TRPS1: variants seen among roughly 807,000 people sequenced by gnomAD.
TRPS1 encodes the protein transcriptional repressor GATA binding 1.
TRPS1 carries 6 observed loss-of-function variants against 101.2 expected under a neutral mutation model. That is an observed-to-expected ratio of 0.06 (90% CI 0.03 to 0.12). The LOEUF (loss-of-function observed/expected upper bound fraction) is 0.12, where lower values mean the gene tolerates loss of function less well. TRPS1 is among the 10% of genes least tolerant of loss of function. TRPS1 has a pLI of 1.00. For synonymous variants in TRPS1, 578 were observed against 589.8 expected (o/e 0.98, Z 0.29); for missense variants, 1,363 against 1,567.0 (o/e 0.87, Z 2.20).
At chr8:115,597,257 G>A (rs531389802) in intron 4 of TRPS1, among the ~76,000 whole-genome samples, 2 of 151,806 alleles carry the variant, frequency 1.3e-5, no homozygotes, top group Non-Finnish European at 2.9e-5. Context: ...AGTATGTTCC[G>A]ACCATTTCTA....
intron 5 of TRPS1, among the ~76,000 whole-genome samples, chr8:115,473,080 C>T (rs1313310393): frequency 9.9e-5 from 15 of 152,166 alleles, no homozygotes; most frequent in Admixed American, 9.8e-4. Context: ...GTTTCTTCCA[C>T]ATTTTTCAGT....
At chr8:115,506,286 G>C (rs1018469935) in intron 5 of TRPS1, among the ~76,000 whole-genome samples, 1 of 151,900 alleles carries the variant, frequency 6.6e-6, no homozygotes, top group African/African-American at 2.4e-5. Flanking sequence ...TCATATACTG[G>C]TTATCAAGAG....
intron 1 of TRPS1, among the ~76,000 whole-genome samples, chr8:115,644,619 A>C (rs1402994800): frequency 6.6e-6 from 1 of 152,092 alleles, no homozygotes; most frequent in Non-Finnish European, 1.5e-5. Flanking sequence ...GGCACTTTTA[A>C]TTTCCTTCAA....
chr8:115,456,769 C>T (rs561388862), intron 5 of TRPS1, among the ~76,000 whole-genome samples: 1 of 152,124 alleles, frequency 6.6e-6, no homozygotes, highest in Admixed American at 6.5e-5. Flanking sequence ...TATAGGCATG[C>T]TTCTTCTTTT....
At chr8:115,506,975 T>TA (rs1815460305) in intron 5 of TRPS1, among the ~76,000 whole-genome samples, 2 of 152,216 alleles carry the variant, frequency 1.3e-5, no homozygotes, top group Admixed American at 1.3e-4. Context: ...AACTATATTT[T>TA]AAAAAAGAAT....
chr8:115,478,129 T>C (rs368712383), intron 5 of TRPS1, among the ~76,000 whole-genome samples: 1 of 152,200 alleles, frequency 6.6e-6, no homozygotes, highest in Non-Finnish European at 1.5e-5. Flanking sequence ...CTGATCTATA[T>C]TGCCAAATAG....
intron 4 of TRPS1, among the ~76,000 whole-genome samples, chr8:115,593,950 G>A (rs3808462): frequency 0.54 from 82,442 of 151,748 alleles, 24,518 homozygotes; most frequent in African/African-American, 0.81. Flanking sequence ...CCCTAAGGTC[G>A]AGACCAAAGC....
chr8:115,529,620 C>T (rs1364283898), intron 5 of TRPS1, among the ~76,000 whole-genome samples: 1 of 152,034 alleles, frequency 6.6e-6, no homozygotes, highest in Non-Finnish European at 1.5e-5. Context: ...AATTCCACAC[C>T]CATTTTGCAC....
intron 5 of TRPS1, among the ~76,000 whole-genome samples, chr8:115,561,511 A>AC (rs1816945526): frequency 6.6e-6 from 1 of 151,964 alleles, no homozygotes; most frequent in Non-Finnish European, 1.5e-5. Context: ...TCCAGTAGCA[A>AC]CAAGGGGTGC....
chr8:115,572,586 G>A (rs1283591894), intron 5 of TRPS1, among the ~76,000 whole-genome samples: 2 of 152,038 alleles, frequency 1.3e-5, no homozygotes, highest in Non-Finnish European at 2.9e-5. Context: ...AGTGTCTATA[G>A]CTTAGTCATG....
intron 5 of TRPS1, among the ~76,000 whole-genome samples, chr8:115,513,740 T>C (rs1193968957): frequency 6.6e-6 from 1 of 151,586 alleles, no homozygotes; most frequent in African/African-American, 2.4e-5. Context: ...AGAAAACTAT[T>C]TCTAGTTTTC....
At chr8:115,520,860 G>C (rs1815843919) in intron 5 of TRPS1, among the ~76,000 whole-genome samples, 1 of 151,806 alleles carries the variant, frequency 6.6e-6, no homozygotes, top group Non-Finnish European at 1.5e-5. Flanking sequence ...CTTTAAAGCA[G>C]TTTTTCCATC....
chr8:115,550,088 G>A (rs1160029626), intron 5 of TRPS1, among the ~76,000 whole-genome samples: 1 of 152,002 alleles, frequency 6.6e-6, no homozygotes, highest in Non-Finnish European at 1.5e-5. Context: ...GTGGTGGTGG[G>A]CACCTGTAAT....
At chr8:115,663,954 G>A (rs1473939659) in intron 1 of TRPS1, among the ~76,000 whole-genome samples, 1 of 151,794 alleles carries the variant, frequency 6.6e-6, no homozygotes, top group East Asian at 1.9e-4. Context: ...CAAACTAAAG[G>A]CCAAATTCAG....
At chr8:115,500,383 T>C (rs947229860) in intron 5 of TRPS1, among the ~76,000 whole-genome samples, 4 of 152,028 alleles carry the variant, frequency 2.6e-5, no homozygotes, top group African/African-American at 9.7e-5. Flanking sequence ...TACAAAACAG[T>C]CAGTGTAAGA....
intron 1 of TRPS1, among the ~76,000 whole-genome samples, chr8:115,659,059 AT>A (rs1377209074): frequency 6.6e-6 from 1 of 152,084 alleles, no homozygotes; most frequent in Non-Finnish European, 1.5e-5. Flanking sequence ...CAGTGATGGG[AT>A]AGAGTAAAAT....
At chr8:115,598,095 T>C (rs956303090) in intron 4 of TRPS1, among the ~76,000 whole-genome samples, 13 of 152,356 alleles carry the variant, frequency 8.5e-5, no homozygotes, top group African/African-American at 2.9e-4. Context: ...CCACATATTT[T>C]CTCACCATTT....
chr8:115,605,487 G>A lies in TRPS1; in HGVS notation c.967-485C>T, dbSNP rs139243381. Among the ~76,000 whole-genome samples the A allele has an allele frequency of 3.6e-3, 555 of 152,246 alleles. 2 individuals are homozygous for A. The highest frequency in any genetic ancestry group is 0.013 in the African/African-American group (539 of 41,546). On this transcript the variant is annotated intron_variant, in intron 3 of 6. Transcript: ENST00000395715. Reference sequence around the variant, plus strand: ...TTCTGTTCAGTTCCTACAGCAATGAGGCTGCAGGCAAAGATGAGGTCTCTG... The same window carrying A: ...TTCTGTTCAGTTCCTACAGCAATGAAGCTGCAGGCAAAGATGAGGTCTCTG...
chr8:115,643,477 T>A (rs955885048), intron 1 of TRPS1, among the ~76,000 whole-genome samples: 1 of 152,240 alleles, frequency 6.6e-6, no homozygotes, highest in Admixed American at 6.5e-5. Flanking sequence ...AACCACTTTC[T>A]TTGCTTATCT....
Sources: allele counts gnomAD v4.1 joint callset (sites outside exome capture counted in the v4.1 genomes callset), GRCh38; gene constraint gnomAD v4.1.1; transcripts MANE v1.5; gene names NCBI Gene and HGNC (gene_info 2026-07-23, HGNC 2026-07-21).